Variants in PTPN4 observed in about 807,000 individuals in gnomAD.
PTPN4 encodes the protein tyrosine-protein phosphatase non-receptor type 4.
Under a neutral mutation model 135.5 loss-of-function variants are expected in PTPN4, and 49 were observed. That is an observed-to-expected ratio of 0.36 (90% CI 0.29 to 0.46). The LOEUF is 0.46. Ranked by LOEUF, PTPN4 falls within the 20% of genes least tolerant of loss-of-function variation. The probability of loss-of-function intolerance (pLI) is 1.00; values close to 1 mark genes in which losing one functional copy is unlikely to be tolerated. For missense variants in PTPN4, 860 were observed against 1,101.0 expected, an observed-to-expected ratio of 0.78 and a Z score of 3.10; for synonymous variants, 333 against 369.9, an observed-to-expected ratio of 0.90 and a Z score of 1.14.
intron 9 of PTPN4, among the ~76,000 whole-genome samples, chr2:119,887,905 A>G (rs1574388589): frequency 6.6e-6 from 1 of 152,280 alleles, no homozygotes; most frequent in Middle Eastern, 3.4e-3. Flanking sequence ...AATTCTATGA[A>G]GAACGATGTT....
chr2:119,812,542 G>C (rs1215314924), intron 2 of PTPN4, among the ~76,000 whole-genome samples: 1 of 152,146 alleles, frequency 6.6e-6, no homozygotes, highest in African/African-American at 2.4e-5. Context: ...AACTTCACTA[G>C]ATCTTGCTTT....
intron 15 of PTPN4, among the ~76,000 whole-genome samples, chr2:119,943,140 A>T (rs146893990): frequency 6.6e-6 from 1 of 152,338 alleles, no homozygotes; most frequent in East Asian, 1.9e-4. Flanking sequence ...GAAAGACTCT[A>T]ATCTCTCCTA....
At chr2:119,785,563 A>C (rs1429395522) in intron 1 of PTPN4, among the ~76,000 whole-genome samples, 1 of 152,184 alleles carries the variant, frequency 6.6e-6, no homozygotes, top group Non-Finnish European at 1.5e-5. Context: ...TTATTAGTGT[A>C]AATAGTATAT....
chr2:119,766,455 T>A (rs62167246), intron 1 of PTPN4, among the ~76,000 whole-genome samples: 2 of 135,608 alleles, frequency 1.5e-5, no homozygotes, highest in African/African-American at 5.6e-5. Flanking sequence ...CGCGCGTGTG[T>A]GTGTGTGTGT....
chr2:119,890,628 C>T (rs528330235), intron 9 of PTPN4, among the ~76,000 whole-genome samples: 2 of 152,124 alleles, frequency 1.3e-5, no homozygotes, highest in African/African-American at 4.8e-5. Flanking sequence ...TGATGGGTTT[C>T]TGTAGTGATA....
In PTPN4 at chr2:119,980,791, T is replaced by C. The variant is rs1480387955; in HGVS notation, c.*3721T>C. ...CATGCCTGCCTGACAGAACATAAGC[T>C]TTTGTAAAGTATTTAGACTGATAAC... is the stretch of plus-strand genomic sequence containing the variant. On this transcript the variant is annotated 3_prime_UTR_variant, in exon 27 of 27. Transcript: ENST00000263708. 6.6e-6 allele frequency: 1 copy of C among 152,026 alleles called. No individual in the cohort carries two copies. The highest frequency in any genetic ancestry group is 1.5e-5 in the Non-Finnish European group (1 of 67,930). 9.4% of individuals were successfully genotyped at this position (152,026 alleles called of 1,614,324 possible). A position where few individuals can be genotyped will look rare whatever the true frequency, so the allele number is the denominator to read the frequency against.
intron 24 of PTPN4, 33 bp downstream of exon 24, chr2:119,962,777 G>A (rs896471141): frequency 2.0e-5 from 29 of 1,481,096 alleles, no homozygotes; most frequent in Admixed American, 3.9e-5. Context: ...CATTAGAACT[G>A]TTGTGTTCAG....
intron 2 of PTPN4, among the ~76,000 whole-genome samples, chr2:119,836,934 G>A (rs530318676): frequency 1.3e-5 from 2 of 152,306 alleles, no homozygotes; most frequent in South Asian, 4.1e-4. Flanking sequence ...GGGCCTCCAG[G>A]CAACCCTCAG....
rs575865520 is a variant in PTPN4, at chr2:119,933,031, A to T, written c.1196+482A>T. ...AAAGGGGTTTCCAGCACCAGTCCCC[A>T]TAAGCTTAGCTCTCCCTGAGCTAAA... On this transcript the variant is annotated intron_variant, in intron 14 of 26. Coordinates refer to ENST00000263708, the MANE Select transcript of PTPN4 (RefSeq NM_002830.4). Among the ~76,000 whole-genome samples the T allele has an allele frequency of 2.0e-5, 3 of 152,278 alleles. 1 individual carries two copies. The South Asian group carries it at 6.2e-4, about 32-fold the overall frequency.
intron 11 of PTPN4, among the ~76,000 whole-genome samples, chr2:119,917,733 A>C (rs1226171005): frequency 6.6e-6 from 1 of 152,144 alleles, no homozygotes; most frequent in Non-Finnish European, 1.5e-5. Context: ...TGTCTCAAAA[A>C]AAACAAAAGA....
chr2:119,918,384 C>T (rs947466549), intron 11 of PTPN4, among the ~76,000 whole-genome samples: 1 of 152,140 alleles, frequency 6.6e-6, no homozygotes, highest in East Asian at 1.9e-4. Context: ...AAAGATATCA[C>T]TAAGAGAGTG....
At chr2:119,895,522 C>A (rs577373556) in intron 9 of PTPN4, among the ~76,000 whole-genome samples, 1 of 152,000 alleles carries the variant, frequency 6.6e-6, no homozygotes, top group African/African-American at 2.4e-5. Context: ...TGCCTGTAAT[C>A]CCAGCTACTC....
intron 1 of PTPN4, among the ~76,000 whole-genome samples, chr2:119,768,217 C>A (rs1464847002): frequency 1.3e-5 from 2 of 152,074 alleles, no homozygotes; most frequent in Non-Finnish European, 2.9e-5. Context: ...TTTAAGTTGG[C>A]TCCTCTATCT....
intron 2 of PTPN4, among the ~76,000 whole-genome samples, chr2:119,853,507 A>G (rs952802641): frequency 2.0e-5 from 3 of 151,952 alleles, no homozygotes; most frequent in East Asian, 1.9e-4. Context: ...TTTTTATGCT[A>G]TATCATTAAC....
chr2:119,905,220 A>T (rs1376574557), intron 10 of PTPN4, among the ~76,000 whole-genome samples: 1 of 152,200 alleles, frequency 6.6e-6, no homozygotes, highest in African/African-American at 2.4e-5. Flanking sequence ...TAAAAAAAGA[A>T]GACCGAATTC....
chr2:119,778,959 T>G (rs1238935377), intron 1 of PTPN4, among the ~76,000 whole-genome samples: 1 of 152,236 alleles, frequency 6.6e-6, no homozygotes, highest in Non-Finnish European at 1.5e-5. Context: ...AGCTTCTTAT[T>G]TAAGTTGTTG....
rs893058509 is a variant in PTPN4 at position 119,907,650 on chromosome 2, A to G, written c.764+6844A>G. ...TTGTATGGAACCCTAAAAGATCCTG[A>G]ATAGCCAAAACAATACTGAGTCAAG... On this transcript the variant is annotated intron_variant, in intron 10 of 26. Coordinates refer to ENST00000263708, the MANE Select transcript of PTPN4 (RefSeq NM_002830.4). 3.8e-4 allele frequency among the ~76,000 whole-genome samples: 58 copies of G among 152,134 alleles called. 1 individual carries two copies. Among genetic ancestry groups the G allele is most frequent in the African/African-American group, 1.3e-3 (54 of 41,422 alleles).
At chr2:119,763,537 A>G (rs892393822) in intron 1 of PTPN4, among the ~76,000 whole-genome samples, 4 of 152,226 alleles carry the variant, frequency 2.6e-5, no homozygotes, top group Admixed American at 1.3e-4. Flanking sequence ...GCTAAGGGAA[A>G]TGAAATAACT....
chr2:119,812,498 C>G (rs1376949932), intron 2 of PTPN4, among the ~76,000 whole-genome samples: 2 of 152,142 alleles, frequency 1.3e-5, no homozygotes, highest in Non-Finnish European at 2.9e-5. Context: ...TCTGTATTTT[C>G]TGAGGGAAAT....
Sources: allele counts gnomAD v4.1 joint callset (sites outside exome capture counted in the v4.1 genomes callset), GRCh38; gene constraint gnomAD v4.1.1; transcripts MANE v1.5; gene names NCBI Gene and HGNC (gene_info 2026-07-23, HGNC 2026-07-21).